FBXL13: variants seen among roughly 807,000 people sequenced by gnomAD.
FBXL13 encodes the protein F-box and leucine-rich repeat protein 13.
Under a neutral mutation model 83.6 loss-of-function variants are expected in FBXL13, and 67 were observed. The ratio of observed to expected loss-of-function variants is 0.80; its 90% CI spans 0.66 to 0.98. FBXL13 has a LOEUF of 0.98. Ranked by LOEUF, FBXL13 falls within the 50% of genes least tolerant of loss-of-function variation. The pLI is 0.00. For synonymous variants in FBXL13, 272 were observed against 299.5 expected, an observed-to-expected ratio of 0.91 and a Z score of 0.95; for missense variants, 822 against 866.5, an observed-to-expected ratio of 0.95 and a Z score of 0.64.
chr7:102,836,136 G>A (rs991849121), intron 17 of FBXL13, among the ~76,000 whole-genome samples: 3 of 152,136 alleles, frequency 2.0e-5, no homozygotes, highest in African/African-American at 7.2e-5. Context: ...TCTGCCTTAT[G>A]CCTTTTTAAA....
intron 11 of FBXL13, among the ~76,000 whole-genome samples, chr7:102,888,490 C>T (rs1196463557): frequency 6.6e-6 from 1 of 152,224 alleles, no homozygotes. Flanking sequence ...TGAGATTGCT[C>T]CACTGCACTT....
intron 2 of FBXL13, among the ~76,000 whole-genome samples, chr7:103,032,042 C>T (rs1794561601): frequency 6.6e-6 from 1 of 152,098 alleles, no homozygotes; most frequent in African/African-American, 2.4e-5. Context: ...AGCTGAGTTC[C>T]AGCAGCATAC....
At chr7:102,994,825 A>T (rs1231796483) in intron 6 of FBXL13, among the ~76,000 whole-genome samples, 1 of 152,194 alleles carries the variant, frequency 6.6e-6, no homozygotes, top group African/African-American at 2.4e-5. Flanking sequence ...CCACGTGGAC[A>T]GAAACTGTTA....
At chr7:102,812,474 G>A (rs929938301), downstream of FBXL13, among the ~76,000 whole-genome samples, 1 of 152,164 alleles carries the variant, frequency 6.6e-6, no homozygotes, top group Non-Finnish European at 1.5e-5. Context: ...CCCTGACTAA[G>A]TCAAATGTTG....
chr7:102,966,577 G>T lies in FBXL13; in HGVS notation c.591+1445C>A, dbSNP rs75793861. On this transcript the variant is annotated intron_variant, in intron 7 of 19. Coordinates refer to ENST00000313221, the Ensembl canonical transcript of FBXL13. ...GGAGTTAGAAAAAGCCAACACGTCT[G>T]CCCAGAGATCTCACTAGATAAAGAC... is the stretch of plus-strand genomic sequence containing the variant. Among the ~76,000 whole-genome samples the T allele has an allele frequency of 0.013, 1,957 of 152,224 alleles. 90 individuals carry two copies. The East Asian group carries it at 0.16, about 12-fold the overall frequency.
At chr7:103,041,570 TTAATA>T (rs1795702071) in intron 2 of FBXL13, among the ~76,000 whole-genome samples, 1 of 152,142 alleles carries the variant, frequency 6.6e-6, no homozygotes, top group South Asian at 2.1e-4. Context: ...GTGAAAATCC[TTAATA>T]AAATACTGGA....
chr7:102,856,194 C>G (rs1806027232), intron 16 of FBXL13, among the ~76,000 whole-genome samples: 1 of 152,174 alleles, frequency 6.6e-6, no homozygotes, highest in African/African-American at 2.4e-5. Flanking sequence ...ATGTTTTCTG[C>G]CTCCCTGTTT....
intron 8 of FBXL13, among the ~76,000 whole-genome samples, chr7:102,952,984 AAAACAAACAAAC>A (rs113046740): frequency 1.3e-5 from 2 of 152,064 alleles, no homozygotes; most frequent in Non-Finnish European, 2.9e-5. Flanking sequence ...ACTCCATCTC[AAAACAAACAAAC>A]AAACAAACAA....
intron 11 of FBXL13, among the ~76,000 whole-genome samples, chr7:102,888,366 A>G (rs1051531929): frequency 1.3e-5 from 2 of 152,170 alleles, no homozygotes; most frequent in Admixed American, 1.3e-4. Context: ...GTGAAACCCC[A>G]TCTCAACTAA....
At chr7:103,072,194 A>C (rs1307366677) in intron 1 of FBXL13, among the ~76,000 whole-genome samples, 1 of 152,090 alleles carries the variant, frequency 6.6e-6, no homozygotes, top group Non-Finnish European at 1.5e-5. Context: ...AAAAAAAAAA[A>C]AGTATAAAAC....
rs780419891 is a variant in FBXL13, at chr7:102,963,683, A to G, written c.592-18T>C. ...AAATCAATCTAAAAAGAATAAACAA[A>G]ATGCATTAAGAAATGAGAAAGTCCC... On this transcript the variant is annotated intron_variant, in intron 7 of 19. Transcript: ENST00000313221. 4 of 1,583,188 alleles carry G rather than the reference A, an allele frequency of 2.5e-6. No homozygotes were observed. In the South Asian group the frequency reaches 4.8e-5, roughly 19 times the overall value.
chr7:103,070,392 C>A (rs1798832915), intron 1 of FBXL13, among the ~76,000 whole-genome samples: 1 of 152,016 alleles, frequency 6.6e-6, no homozygotes, highest in African/African-American at 2.4e-5. Context: ...CCACACCTGG[C>A]AAATTTTTGT....
intron 6 of FBXL13, among the ~76,000 whole-genome samples, chr7:103,004,263 A>C (rs2129485856): frequency 6.6e-6 from 1 of 152,328 alleles, no homozygotes; most frequent in Non-Finnish European, 1.5e-5. Context: ...CCTCCTTTTC[A>C]GCACTAGTGG....
In FBXL13 at chr7:102,883,349, T is replaced by TTG. The variant is rs1810368767; in HGVS notation, c.1343_1344insCA (p.Pro449AsnfsTer3). 6 of 1,613,388 alleles carry TTG rather than the reference T, an allele frequency of 3.7e-6. No individual in the cohort carries two copies. Among genetic ancestry groups the TTG allele is most frequent in the Non-Finnish European group, 5.1e-6 (6 of 1,179,914 alleles). On this transcript the variant is annotated frameshift_variant, in exon 14 of 20. Transcript: ENST00000313221. LOFTEE classifies it high-confidence loss of function. ...TCAACACAGTCAGTTGCTTCAAAGG[T>TTG]GAAAGGGATCTGAGGCTGCTGTCTG...
Position 103,006,626 on chromosome 7 carries a change from A to G in FBXL13, c.495+18437T>C, listed in dbSNP as rs1481096407. Reference sequence around the variant, plus strand: ...TCAACTAAATTAATTGACTACCAGAACAAAATTCAACTCTCTTCAAAGAAA... The same window carrying G: ...TCAACTAAATTAATTGACTACCAGAGCAAAATTCAACTCTCTTCAAAGAAA... On this transcript the variant is annotated intron_variant, in intron 6 of 19. Coordinates refer to ENST00000313221, the Ensembl canonical transcript of FBXL13. Among the ~76,000 whole-genome samples the G allele has an allele frequency of 2.0e-5, 3 of 152,188 alleles. No individual in the cohort carries two copies. The East Asian group carries it at 5.8e-4, about 29-fold the overall frequency.
chr7:102,886,551 A>G (rs1462899400), intron 11 of FBXL13, among the ~76,000 whole-genome samples: 2 of 152,210 alleles, frequency 1.3e-5, no homozygotes, highest in African/African-American at 4.8e-5. Context: ...CTTGTTATAT[A>G]CTTACATCAC....
intron 6 of FBXL13, among the ~76,000 whole-genome samples, chr7:102,982,798 G>C (rs1828422389): frequency 6.6e-6 from 1 of 152,134 alleles, no homozygotes; most frequent in Non-Finnish European, 1.5e-5. Context: ...TACCCACCCA[G>C]TCTTGGGTAT....
At chr7:102,825,480 C>G (rs1799468419) in intron 18 of FBXL13, among the ~76,000 whole-genome samples, 1 of 152,232 alleles carries the variant, frequency 6.6e-6, no homozygotes, top group African/African-American at 2.4e-5. Flanking sequence ...TGACCTTGGA[C>G]TTCCCAGCCT....
chr7:102,870,122 G>A (rs1238717643), intron 16 of FBXL13, among the ~76,000 whole-genome samples: 1 of 152,138 alleles, frequency 6.6e-6, no homozygotes, highest in Non-Finnish European at 1.5e-5. Flanking sequence ...TTCAATTAGA[G>A]TTCTTCTTTT....
Sources: allele counts gnomAD v4.1 joint callset (sites outside exome capture counted in the v4.1 genomes callset), GRCh38; gene constraint gnomAD v4.1.1; transcripts MANE v1.5; gene names NCBI Gene and HGNC (gene_info 2026-07-23, HGNC 2026-07-21).